RTF1: variants seen among roughly 807,000 people sequenced by gnomAD.
The protein encoded by RTF1 is RNA polymerase-associated protein RTF1 homolog.
Under a neutral mutation model 95.7 loss-of-function variants are expected in RTF1, and 10 were observed. That is an observed-to-expected ratio of 0.10 (90% CI 0.06 to 0.18). RTF1 has a LOEUF of 0.18. RTF1 is among the 10% of genes least tolerant of loss of function. RTF1 has a pLI of 1.00. For synonymous variants in RTF1, 305 were observed against 311.8 expected (o/e 0.98, Z 0.23); for missense variants, 458 against 875.6 (o/e 0.52, Z 6.02).
Position 41,417,394 on chromosome 15 carries a change from G to C in RTF1, c.198+81G>C, listed in dbSNP as rs372439647. ...CGGGAGCCGGAGACGGCCGGGCCTGGAGCCTTCCTACCAGAGCGCCCAGCT... is the reference window on the plus strand; with the variant it reads ...CGGGAGCCGGAGACGGCCGGGCCTGCAGCCTTCCTACCAGAGCGCCCAGCT... On this transcript the variant is annotated intron_variant, in intron 1 of 17. Transcript: ENST00000389629. The C allele has an allele frequency of 4.5e-4, 527 of 1,178,638 alleles. 2 individuals are homozygous for C. The African/African-American group carries it at 7.8e-3, about 17-fold the overall frequency. 73.0% of individuals were successfully genotyped at this position (1,178,638 alleles called of 1,614,324 possible). A position where few individuals can be genotyped will look rare whatever the true frequency, so the allele number is the denominator to read the frequency against.
chr15:41,417,478 C>A (rs1420563082), intron 1 of RTF1, among the ~76,000 whole-genome samples, 165 bp downstream of exon 1: 1 of 152,146 alleles, frequency 6.6e-6, no homozygotes, highest in African/African-American at 2.4e-5. Flanking sequence ...GTGTGCGGGG[C>A]CTTGGAGACC....
chr15:41,428,576 C>CTT (rs1232342225), intron 1 of RTF1, among the ~76,000 whole-genome samples: 4 of 141,842 alleles, frequency 2.8e-5, no homozygotes, highest in African/African-American at 7.7e-5. Flanking sequence ...CCCCCTACTC[C>CTT]TTTTTTTTTT....
intron 1 of RTF1, among the ~76,000 whole-genome samples, chr15:41,419,517 A>G (rs1045449305): frequency 3.3e-5 from 5 of 152,150 alleles, no homozygotes; most frequent in Non-Finnish European, 7.3e-5. Context: ...CATACTGCAA[A>G]ATGATAATGT....
chr15:41,420,523 A>G (rs1020211882), intron 1 of RTF1, among the ~76,000 whole-genome samples: 3 of 152,136 alleles, frequency 2.0e-5, no homozygotes, highest in Non-Finnish European at 4.4e-5. Context: ...CACTGGGGGT[A>G]TAACATTAGA....
chr15:41,467,865 AAAT>A (rs1303131102), intron 6 of RTF1, among the ~76,000 whole-genome samples: 1 of 151,986 alleles, frequency 6.6e-6, no homozygotes, highest in East Asian at 1.9e-4. Context: ...TCTCTACTAA[AAAT>A]AATAAAATTA....
chr15:41,437,506 A>G (rs2050710983), intron 1 of RTF1, among the ~76,000 whole-genome samples: 1 of 152,156 alleles, frequency 6.6e-6, no homozygotes, highest in East Asian at 1.9e-4. Flanking sequence ...AAAAAAAAAG[A>G]AAAAAGAAAA....
At chr15:41,440,277 G>C (rs1475607148) in intron 2 of RTF1, 1 of 148,002 alleles carries the variant, frequency 6.8e-6, no homozygotes, top group Non-Finnish European at 1.5e-5. Context: ...TGCAACCTCT[G>C]CCTTCCGGGT....
rs2050966500 is a variant in RTF1, at chr15:41,480,484, A to AC, written c.2027-96dup. 14 of 1,004,736 alleles carry AC rather than the reference A, an allele frequency of 1.4e-5. No homozygotes were observed. The South Asian group carries it at 1.9e-4, about 13-fold the overall frequency. The allele number at this position is 1,004,736 out of a possible 1,614,324, so 62.2% of individuals were successfully genotyped here. A position where few individuals can be genotyped will look rare whatever the true frequency, so the allele number is the denominator to read the frequency against. On this transcript the variant is annotated intron_variant, in intron 17 of 17. Transcript: ENST00000389629. ...CAGGCTGTGGGTATGGTGAGAGGGA[A>AC]CAGGGCCACAGTCAGGAGGCTGCCT...
chr15:41,454,236 C>T (rs1430458592), intron 3 of RTF1, among the ~76,000 whole-genome samples: 1 of 151,988 alleles, frequency 6.6e-6, no homozygotes, highest in African/African-American at 2.4e-5. Flanking sequence ...ATTACAGATG[C>T]TCACCAGCAC....
intron 4 of RTF1, among the ~76,000 whole-genome samples, chr15:41,458,110 A>T (rs978640006): frequency 9.9e-5 from 15 of 152,158 alleles, no homozygotes; most frequent in Admixed American, 5.9e-4. Flanking sequence ...TATTCATAAG[A>T]CATTATTTAT....
In RTF1 at chr15:41,464,788, A is replaced by G; in HGVS notation, c.680A>G (p.Lys227Arg). ...VLKRRFEIKK[K>R]LKTAKKKEKK... ...TTAACCAGATTTGAAATCAAGAAAA[A>G]ACTAAAAACAGCCAAAAAGAAAGAA... Residue 227 changes from lysine (K) to arginine (R), a missense_variant, in exon 5 of 18, where the codon AAA becomes AGA. Physicochemically the swap from Lys to Arg is conservative, Grantham distance 26. Around this residue, in one of 11 missense-constraint regions of RTF1, gnomAD observed 17 missense variants for 69.3 expected, o/e 0.25. Transcript: ENST00000389629. 1 of 1,573,252 alleles carries G rather than the reference A, an allele frequency of 6.4e-7. No individual in the cohort carries two copies. The highest frequency in any genetic ancestry group is 8.6e-7 in the Non-Finnish European group (1 of 1,163,832).
At chr15:41,464,058 G>A (rs1401820332) in intron 4 of RTF1, among the ~76,000 whole-genome samples, 5 of 150,896 alleles carry the variant, frequency 3.3e-5, no homozygotes, top group Non-Finnish European at 7.4e-5. Context: ...CACCATTTTG[G>A]CCAGGATGGT....
In RTF1 at chr15:41,475,535, G is replaced by A. The variant is rs916471268; in HGVS notation, c.1297G>A (p.Asp433Asn). The A allele has an allele frequency of 6.2e-7, 1 of 1,613,964 alleles. No individual in the cohort carries two copies. The highest frequency in any genetic ancestry group is 1.1e-5 in the South Asian group (1 of 91,016). The change falls in exon 10 of 18, where the codon GAC (aspartate) becomes AAC (asparagine). Residue 433 changes from aspartate to asparagine, a missense_variant. By Grantham distance (23) the Asp-to-Asn change is conservative. Transcript: ENST00000389629. ...CTCTCTTTTATGTAGGCATGGCAATGACCAACGCGTGTTCCGTTTAGAGTT... is the reference window on the plus strand; with the variant it reads ...CTCTCTTTTATGTAGGCATGGCAATAACCAACGCGTGTTCCGTTTAGAGTT... ...NKGLQLRHGN[D>N]QRVFRLEFVS...
intron 2 of RTF1, among the ~76,000 whole-genome samples, chr15:41,447,441 G>A (rs1032836341): frequency 4.6e-5 from 7 of 152,148 alleles, no homozygotes; most frequent in Admixed American, 1.3e-4. Context: ...CACACTCAGC[G>A]TGACATGGGG....
rs1378699038 is a variant in RTF1 at position 41,479,132 on chromosome 15, C to T, written c.1848C>T (p.Ile616=). Residue 616 remains isoleucine (I), a synonymous_variant, in exon 16 of 18, where the codon ATC becomes ATT. Coordinates refer to ENST00000389629, the MANE Select transcript of RTF1 (RefSeq NM_015138.5). ...GAGACCCAGCTGTTCAAGCTGCCAT[C>T]TTGGCCCAGCTGAATGCAAAATACG... ...NSRDPAVQAA[I]LAQLNAKYGS... 1 of 1,613,916 alleles carries T rather than the reference C, an allele frequency of 6.2e-7. No homozygotes were observed. The highest frequency in any genetic ancestry group is 8.5e-7 in the Non-Finnish European group (1 of 1,179,822).
chr15:41,448,850 A>G (rs908982156), intron 2 of RTF1: 1 of 151,948 alleles, frequency 6.6e-6, no homozygotes, highest in Non-Finnish European at 1.5e-5. Context: ...AGCAGAGATT[A>G]TTTTTTTAAA....
chr15:41,432,808 G>A (rs2050681963), intron 1 of RTF1, among the ~76,000 whole-genome samples: 1 of 151,958 alleles, frequency 6.6e-6, no homozygotes, highest in Admixed American at 6.6e-5. Context: ...GTGTTGTGGT[G>A]CACACCTGTA....
chr15:41,452,761 C>T, intron 2 of RTF1, 140 bp from the exon 3 acceptor site: 2 of 669,708 alleles, frequency 3.0e-6, no homozygotes, highest in Non-Finnish European at 4.6e-6. Flanking sequence ...TTTCAAAAAT[C>T]TGTATTTTTT....
At chr15:41,426,430 C>T (rs1191371880) in intron 1 of RTF1, among the ~76,000 whole-genome samples, 7 of 151,690 alleles carry the variant, frequency 4.6e-5, no homozygotes, top group South Asian at 2.1e-4. Context: ...CTCAGCCTCC[C>T]GAGTAGCTGG....
Sources: gnomAD v4.1 joint callset for allele counts (sites outside exome capture counted in the v4.1 genomes callset) on GRCh38, gnomAD v4.1.1 for gene constraint, gnomAD v4.1.1 regional missense constraint, MANE v1.5 for transcripts, NCBI Gene and HGNC (gene_info 2026-07-23, HGNC 2026-07-21) for gene names.